The following PPARGC1A variants were observed in gnomAD, a reference collection of about 807,000 sequenced individuals.
PPARGC1A encodes the protein peroxisome proliferator-activated receptor gamma coactivator 1-alpha.
PPARGC1A carries 25 observed loss-of-function variants against 88.7 expected under a neutral mutation model. That is an observed-to-expected ratio of 0.28 (90% CI 0.21 to 0.39). The LOEUF (loss-of-function observed/expected upper bound fraction) is 0.39, where lower values mean the gene tolerates loss of function less well. Among genes scored for constraint, PPARGC1A ranks in the 10% least tolerant of loss-of-function variants. The probability of loss-of-function intolerance (pLI) is 1.00; values close to 1 mark genes in which losing one functional copy is unlikely to be tolerated. For synonymous variants in PPARGC1A, 363 were observed against 355.6 expected, an observed-to-expected ratio of 1.02 and a Z score of -0.24; for missense variants, 880 against 968.7, an observed-to-expected ratio of 0.91 and a Z score of 1.22.
chr4:23,864,685 A>G (rs767644439), intron 2 of PPARGC1A, among the ~76,000 whole-genome samples: 12 of 152,206 alleles, frequency 7.9e-5, no homozygotes, highest in Non-Finnish European at 1.2e-4. Context: ...AGGGGGAAAC[A>G]GCAAACTGGT....
chr4:23,890,040 C>A lies in PPARGC1A; in HGVS notation c.-83G>T. 6.3e-7 allele frequency: 1 copy of A among 1,589,386 alleles called. No individual in the cohort carries two copies. Among genetic ancestry groups the A allele is most frequent in the Non-Finnish European group, 8.6e-7 (1 of 1,168,618 alleles). ...GCACACACTCATGCAGGCAACCAGC[C>A]CCTTACTGAGAGTGAACTGAAGGCA... On this transcript the variant is annotated 5_prime_UTR_variant, in exon 1 of 13. Transcript: ENST00000264867.
the PPARGC1A span, among the ~76,000 whole-genome samples, chr4:24,233,577 C>T: frequency 1.0e-5 from 1 of 99,838 alleles, no homozygotes; most frequent in Admixed American, 1.3e-4. Context: ...AGGACACACA[C>T]AAACACATAC....
chr4:24,343,741 G>A, the PPARGC1A span, among the ~76,000 whole-genome samples: 1 of 151,860 alleles, frequency 6.6e-6, no homozygotes, highest in Admixed American at 6.6e-5. Context: ...TCTTACTTTG[G>A]GGAAATGCTT....
At chr4:24,324,885 C>A in the PPARGC1A span, among the ~76,000 whole-genome samples, 1 of 152,162 alleles carries the variant, frequency 6.6e-6, no homozygotes, top group South Asian at 2.1e-4. Flanking sequence ...CCCATCTGAC[C>A]TCTCCCCTCC....
rs116175359 is a variant in PPARGC1A, at chr4:23,877,061, G to A, written c.234+7691C>T. ...TCACTTTGGGACAAATGGCTTAATG[G>A]ATAAGAAGTCATTTAGCTTCAAACA... On this transcript the variant is annotated intron_variant, in intron 2 of 12. Transcript: ENST00000264867. 6.9e-3 allele frequency among the ~76,000 whole-genome samples: 1,053 copies of A among 152,220 alleles called. 11 individuals are homozygous for A. Among genetic ancestry groups the A allele is most frequent in the African/African-American group, 0.024 (992 of 41,554 alleles).
chr4:24,329,296 A>G, the PPARGC1A span, among the ~76,000 whole-genome samples: 1 of 151,846 alleles, frequency 6.6e-6, no homozygotes, highest in East Asian at 1.9e-4. Flanking sequence ...AGACTTAGCA[A>G]TTTTGGGAAC....
the PPARGC1A span, among the ~76,000 whole-genome samples, chr4:23,946,341 A>T: frequency 6.6e-6 from 1 of 152,156 alleles, no homozygotes; most frequent in Non-Finnish European, 1.5e-5. Flanking sequence ...GAGAGCCTCA[A>T]ATGAAAGCAC....
the PPARGC1A span, among the ~76,000 whole-genome samples, chr4:24,174,014 T>A: frequency 2.6e-5 from 4 of 152,256 alleles, no homozygotes; most frequent in South Asian, 4.2e-4. Flanking sequence ...GAATTTAGAT[T>A]TGCAGCAACA....
the PPARGC1A span, among the ~76,000 whole-genome samples, chr4:24,378,634 T>G: frequency 6.6e-6 from 1 of 152,156 alleles, no homozygotes; most frequent in Non-Finnish European, 1.5e-5. Flanking sequence ...CATGAAAGAG[T>G]TGATGTTACT....
intron 1 of PPARGC1A, among the ~76,000 whole-genome samples, chr4:23,898,815 A>T (rs2148874803): frequency 6.7e-6 from 1 of 149,332 alleles, no homozygotes; most frequent in South Asian, 2.1e-4. Context: ...AAACAACTTT[A>T]ACAATTCCTG....
At chr4:24,130,503 A>G in the PPARGC1A span, among the ~76,000 whole-genome samples, 1 of 152,154 alleles carries the variant, frequency 6.6e-6, no homozygotes, top group African/African-American at 2.4e-5. Flanking sequence ...CCTGTGCACA[A>G]CACATTGAAT....
the PPARGC1A span, among the ~76,000 whole-genome samples, chr4:23,980,265 A>G: frequency 2.0e-5 from 3 of 150,190 alleles, no homozygotes; most frequent in South Asian, 6.3e-4. Context: ...TAGTGATGTC[A>G]TCTATCTGCT....
chr4:23,939,636 G>T, the PPARGC1A span, among the ~76,000 whole-genome samples: 2 of 152,160 alleles, frequency 1.3e-5, no homozygotes, highest in Non-Finnish European at 2.9e-5. Context: ...TTGAGGAACA[G>T]CTAACCAAGA....
chr4:24,164,307 AG>A, the PPARGC1A span, among the ~76,000 whole-genome samples: 15,356 of 152,222 alleles, frequency 0.1, 816 homozygotes, highest in African/African-American at 0.14. Flanking sequence ...AGAGCAGGGG[AG>A]CCTTTTCCTG....
the PPARGC1A span, among the ~76,000 whole-genome samples, chr4:24,074,808 ACT>A: frequency 1.3e-5 from 2 of 152,104 alleles, no homozygotes; most frequent in Non-Finnish European, 2.9e-5. Context: ...CTACACCCTA[ACT>A]CTGCACAGAG....
the PPARGC1A span, among the ~76,000 whole-genome samples, chr4:23,923,568 G>GA: frequency 4.0e-4 from 61 of 151,846 alleles, no homozygotes; most frequent in Middle Eastern, 3.4e-3. Flanking sequence ...TGCAAAAAAA[G>GA]AAAAAAGAAA....
the PPARGC1A span, among the ~76,000 whole-genome samples, chr4:23,998,210 A>C: frequency 6.6e-6 from 1 of 152,250 alleles, no homozygotes; most frequent in Non-Finnish European, 1.5e-5. Context: ...TTGTATACAC[A>C]TAAGACAATT....
the PPARGC1A span, among the ~76,000 whole-genome samples, chr4:24,223,571 A>G: frequency 6.6e-6 from 1 of 152,098 alleles, no homozygotes; most frequent in African/African-American, 2.4e-5. Flanking sequence ...AATTTTTAAC[A>G]TTTCTGAAGT....
chr4:24,066,819 T>G, the PPARGC1A span, among the ~76,000 whole-genome samples: 2 of 150,222 alleles, frequency 1.3e-5, no homozygotes, highest in Non-Finnish European at 1.5e-5. Context: ...CTTCCATGGT[T>G]TTTTTGTTTT....
Sources: allele counts gnomAD v4.1 joint callset (sites outside exome capture counted in the v4.1 genomes callset), GRCh38; gene constraint gnomAD v4.1.1; transcripts MANE v1.5; gene names NCBI Gene and HGNC (gene_info 2026-07-23, HGNC 2026-07-21).